The following CRYBA4 variants were observed in gnomAD, a reference collection of about 807,000 sequenced individuals.
CRYBA4 encodes the protein crystallin beta A4.
CRYBA4 carries 30 observed loss-of-function variants against 31.7 expected under a neutral mutation model. The observed-to-expected ratio is 0.95, with a 90% CI of 0.71 to 1.28. The LOEUF (loss-of-function observed/expected upper bound fraction) is 1.28, where lower values mean the gene tolerates loss of function less well. CRYBA4 is among the 50% of genes most tolerant of loss of function. The pLI is 0.00. For synonymous variants in CRYBA4, 102 were observed against 102.3 expected, an observed-to-expected ratio of 1.00 and a Z score of 0.02; for missense variants, 225 against 260.7, an observed-to-expected ratio of 0.86 and a Z score of 0.94.
the CRYBA4 span, among the ~76,000 whole-genome samples, chr22:26,600,508 C>A: frequency 6.6e-6 from 1 of 152,174 alleles, no homozygotes; most frequent in Non-Finnish European, 1.5e-5. Flanking sequence ...CTAGCTCTGC[C>A]ATTGATTTAC....
chr22:26,604,202 C>T, the CRYBA4 span, among the ~76,000 whole-genome samples: 1 of 152,350 alleles, frequency 6.6e-6, no homozygotes, highest in Non-Finnish European at 1.5e-5. Flanking sequence ...CAAATCCCAG[C>T]CCCAGCAACT....
At chr22:26,618,562 G>C (rs1929437777), upstream of CRYBA4, among the ~76,000 whole-genome samples, 1 of 152,248 alleles carries the variant, frequency 6.6e-6, no homozygotes, top group African/African-American at 2.4e-5. Flanking sequence ...AGTGCTTACT[G>C]TGTGCCGAAC....
the CRYBA4 span, chr22:26,616,433 G>T: frequency 2.4e-6 from 2 of 821,564 alleles, no homozygotes; most frequent in Non-Finnish European, 4.1e-6. Flanking sequence ...CTTGGAGCTC[G>T]TTTCCTCTCT....
At position 26,627,470 on chromosome 22, in the gene CRYBA4, TTCTTTC is replaced by T. The variant is rs1299388007; in HGVS notation, c.301-810_301-805del. 2.1e-4 allele frequency among the ~76,000 whole-genome samples: 21 copies of T among 101,448 alleles called. 1 individual carries two copies. Among genetic ancestry groups the T allele is most frequent in the Admixed American group, 3.3e-4 (3 of 9,028 alleles). 66.6% of individuals were successfully genotyped at this position (101,448 alleles called of 152,430 possible). A position where few individuals can be genotyped will look rare whatever the true frequency, so the allele number is the denominator to read the frequency against. ...TCCTTCTTTCTTTTTCTTTCTTTCT[TTCTTTC>T]TCTTTCTTTCCTTTTCTTTCTTTCT... On this transcript the variant is annotated intron_variant, in intron 4 of 5. Transcript: ENST00000354760.
chr22:26,601,688 C>T, the CRYBA4 span, among the ~76,000 whole-genome samples: 2 of 143,990 alleles, frequency 1.4e-5, no homozygotes, highest in Non-Finnish European at 3.0e-5. Context: ...ACCTGGAATT[C>T]CTCAAAGTGT....
the CRYBA4 span, among the ~76,000 whole-genome samples, chr22:26,603,033 G>A: frequency 6.7e-6 from 1 of 150,316 alleles, no homozygotes; most frequent in Admixed American, 6.7e-5. Context: ...GCTGAGGCAG[G>A]AGAATGGCGT....
At chr22:26,592,283 T>C in the CRYBA4 span, among the ~76,000 whole-genome samples, 5 of 152,204 alleles carry the variant, frequency 3.3e-5, no homozygotes, top group Admixed American at 3.3e-4. Context: ...ATTCTAGCAA[T>C]GGCATTTCCT....
chr22:26,610,564 G>C, the CRYBA4 span, among the ~76,000 whole-genome samples: 1 of 152,178 alleles, frequency 6.6e-6, no homozygotes, highest in Admixed American at 6.5e-5. Flanking sequence ...TGGGTTTTGG[G>C]GCTGAGGGTG....
chr22:26,610,425 G>A, the CRYBA4 span, among the ~76,000 whole-genome samples: 5 of 152,042 alleles, frequency 3.3e-5, no homozygotes, highest in African/African-American at 7.2e-5. Context: ...CATCAGGCAC[G>A]GCTCCAAGGC....
chr22:26,613,470 T>C, the CRYBA4 span, among the ~76,000 whole-genome samples: 3 of 152,252 alleles, frequency 2.0e-5, no homozygotes, highest in African/African-American at 7.2e-5. Flanking sequence ...GAAGATTTCA[T>C]GGACATTTAT....
chr22:26,615,132 C>T, the CRYBA4 span, among the ~76,000 whole-genome samples: 3 of 152,204 alleles, frequency 2.0e-5, no homozygotes, highest in African/African-American at 7.2e-5. Context: ...AAACCTGCCA[C>T]GCACTGACCA....
At chr22:26,611,947 A>G in the CRYBA4 span, 1 of 762,946 alleles carries the variant, frequency 1.3e-6, no homozygotes, top group Non-Finnish European at 2.4e-6. Flanking sequence ...AGGATTGGAC[A>G]TAATGTATGT....
the CRYBA4 span, among the ~76,000 whole-genome samples, chr22:26,613,723 T>G: frequency 6.6e-6 from 1 of 152,154 alleles, no homozygotes; most frequent in Non-Finnish European, 1.5e-5. Flanking sequence ...TTGAGCAATA[T>G]GAAATGTGGG....
At chr22:26,595,934 A>C in the CRYBA4 span, among the ~76,000 whole-genome samples, 1 of 149,236 alleles carries the variant, frequency 6.7e-6, no homozygotes, top group Non-Finnish European at 1.5e-5. Context: ...CACTGCACCC[A>C]GCTTATTTTT....
chr22:26,602,168 G>T, the CRYBA4 span: 1 of 1,019,550 alleles, frequency 9.8e-7, no homozygotes, highest in Non-Finnish European at 1.5e-6. Context: ...TGTCTAGTCT[G>T]GAAGGAGACA....
rs764996029 is a variant in CRYBA4, at chr22:26,623,218, T to A, written c.40-16T>A. ...ACTCTGATGCGGATCTCCACCTTTT[T>A]TTTTTCCTGGCACAGATGGTGGTGT... On this transcript the variant is annotated splice_polypyrimidine_tract_variant and intron_variant, in intron 2 of 5. Coordinates refer to ENST00000354760, the MANE Select transcript of CRYBA4 (RefSeq NM_001886.3). The A allele has an allele frequency of 6.2e-7, 1 of 1,608,614 alleles. No homozygotes were observed. Among genetic ancestry groups the A allele is most frequent in the Admixed American group, 1.7e-5 (1 of 60,012 alleles).
chr22:26,592,672 C>T, the CRYBA4 span, among the ~76,000 whole-genome samples: 1 of 152,080 alleles, frequency 6.6e-6, no homozygotes, highest in East Asian at 1.9e-4. Flanking sequence ...GGAGTCGGGG[C>T]TTTTCTCTTG....
At position 26,625,641 on chromosome 22, in the gene CRYBA4, G is replaced by C. The variant is rs758713544; in HGVS notation, c.300+19G>C. 6 of 1,612,546 alleles carry C rather than the reference G, an allele frequency of 3.7e-6. No individual in the cohort carries two copies. Among genetic ancestry groups the C allele is most frequent in the East Asian group, 4.5e-5 (2 of 44,870 alleles). ...CTGTGCTGTAAGTTCTACCACTGCT[G>C]CATCCCGGGGAGGCCCAAGCCCCTC... On this transcript the variant is annotated intron_variant, in intron 4 of 5. Coordinates refer to ENST00000354760, the MANE Select transcript of CRYBA4 (RefSeq NM_001886.3).
the CRYBA4 span, chr22:26,612,150 G>C: frequency 6.2e-7 from 1 of 1,613,880 alleles, no homozygotes; most frequent in Non-Finnish European, 8.5e-7. Flanking sequence ...CGAGAATTCT[G>C]CTCGACGGCC....
Sources: gnomAD v4.1 joint callset for allele counts (sites outside exome capture counted in the v4.1 genomes callset) on GRCh38, gnomAD v4.1.1 for gene constraint, MANE v1.5 for transcripts, NCBI Gene and HGNC (gene_info 2026-07-23, HGNC 2026-07-21) for gene names.